TANC1: variants seen among roughly 807,000 people sequenced by gnomAD.
TANC1 encodes the protein tetratricopeptide repeat, ankyrin repeat and coiled-coil containing 1.
A neutral mutation model predicts 149.7 loss-of-function variants in TANC1; 77 were observed. The observed-to-expected ratio is 0.51, with a 90% CI of 0.43 to 0.62. TANC1 has a LOEUF of 0.62. TANC1 is among the 20% of genes least tolerant of loss of function. The pLI, the probability that TANC1 is intolerant of heterozygous loss-of-function variation, is 0.00. For missense variants in TANC1, 1,985 were observed against 2,321.8 expected (o/e 0.85, Z 2.98); for synonymous variants, 854 against 925.0 (o/e 0.92, Z 1.39).
Position 159,198,957 on chromosome 2 carries a change from C to T in TANC1, c.3166-18C>T, listed in dbSNP as rs367716682. On this transcript the variant is annotated intron_variant, in intron 18 of 26. Coordinates refer to ENST00000263635, the MANE Select transcript of TANC1 (RefSeq NM_033394.3). ...CTTGCTAAGAGAACTCATTAAATCA[C>T]CTTGCCACTTCTGACAGGTGGTCCA... The T allele has an allele frequency of 4.1e-5, 66 of 1,605,530 alleles. No homozygotes were observed. In the African/African-American group the frequency reaches 8.3e-4, roughly 20 times the overall value.
chr2:159,222,075 G>A (rs149877276), intron 22 of TANC1, among the ~76,000 whole-genome samples: 364 of 152,222 alleles, frequency 2.4e-3, no homozygotes, highest in African/African-American at 7.8e-3. Flanking sequence ...AGAGTTCAAT[G>A]GTATAAACTT....
At position 159,224,498 on chromosome 2, in the gene TANC1, C is replaced by T. The variant is rs868732665; in HGVS notation, c.3811+134C>T. The T allele has an allele frequency of 1.8e-4, 177 of 991,194 alleles. 1 individual carries two copies. In the South Asian group the frequency reaches 2.5e-3, roughly 14 times the overall value. The allele number at this position is 991,194 out of a possible 1,614,324, so 61.4% of individuals were successfully genotyped here. A position where few individuals can be genotyped will look rare whatever the true frequency, so the allele number is the denominator to read the frequency against. ...GATGTTTGCAGATCTCTGTCTCAGT[C>T]TCACTTAATCACCATTATACACAAT... On this transcript the variant is annotated intron_variant, in intron 23 of 26. Coordinates refer to ENST00000263635, the MANE Select transcript of TANC1 (RefSeq NM_033394.3).
intron 19 of TANC1, among the ~76,000 whole-genome samples, chr2:159,206,097 G>C (rs11693113): frequency 6.6e-6 from 1 of 152,166 alleles, no homozygotes; most frequent in African/African-American, 2.4e-5. Flanking sequence ...AACTATCCTC[G>C]GCAAAGCAAC....
chr2:159,222,815 A>G (rs1390952560), intron 22 of TANC1, among the ~76,000 whole-genome samples: 1 of 152,164 alleles, frequency 6.6e-6, no homozygotes, highest in African/African-American at 2.4e-5. Context: ...GAACTGCCCT[A>G]CTTTTTTTCC....
intron 1 of TANC1, among the ~76,000 whole-genome samples, chr2:158,974,827 G>A (rs1313750739): frequency 1.3e-5 from 2 of 151,984 alleles, no homozygotes; most frequent in African/African-American, 4.8e-5. Flanking sequence ...CAACCTCCTG[G>A]ACTCATGCAA....
chr2:159,003,878 C>T (rs1436465865), intron 2 of TANC1: 2 of 1,612,544 alleles, frequency 1.2e-6, no homozygotes, highest in African/African-American at 1.3e-5. Context: ...ACTTCAGGCT[C>T]AGGTCCAGAT....
chr2:159,108,600 A>T (rs1159894509), intron 4 of TANC1, among the ~76,000 whole-genome samples: 1 of 152,214 alleles, frequency 6.6e-6, no homozygotes, highest in Non-Finnish European at 1.5e-5. Flanking sequence ...TCTAGTGCTA[A>T]TGAGCACTAG....
At position 159,149,213 on chromosome 2, in the gene TANC1, C is replaced by G. The variant is rs761904866; in HGVS notation, c.436C>G (p.Leu146Val). ...ACTGTTGACAAGGCTGGGATTTTTA[C>G]TGGGAGAAGGGATCCCAAGTGCCAC... ...QELLTRLGFL[L>V]GEGIPSATHI... Residue 146 changes from leucine (L) to valine (V), a missense_variant, in exon 6 of 27, where the codon CTG becomes GTG. Transcript: ENST00000263635. 4 of 1,613,918 alleles carry G rather than the reference C, an allele frequency of 2.5e-6. No homozygotes were observed. Among genetic ancestry groups the G allele is most frequent in the South Asian group, 1.1e-5 (1 of 91,046 alleles).
At chr2:159,092,125 A>C (rs2045621405) in intron 3 of TANC1, among the ~76,000 whole-genome samples, 1 of 152,236 alleles carries the variant, frequency 6.6e-6, no homozygotes, top group Non-Finnish European at 1.5e-5. Context: ...CTGGATAAAC[A>C]GAACATCTTT....
chr2:159,181,593 G>A (rs952139604), intron 14 of TANC1, among the ~76,000 whole-genome samples: 3 of 152,148 alleles, frequency 2.0e-5, no homozygotes, highest in Non-Finnish European at 2.9e-5. Context: ...CACTGCGCCC[G>A]GCCCCCTCGT....
chr2:159,204,951 C>T (rs565041885), intron 19 of TANC1, among the ~76,000 whole-genome samples: 7 of 152,292 alleles, frequency 4.6e-5, no homozygotes, highest in South Asian at 4.1e-4. Flanking sequence ...GTGTGCTCAC[C>T]GTAGTTTACT....
At chr2:159,053,920 T>C (rs2041655407) in intron 2 of TANC1, among the ~76,000 whole-genome samples, 2 of 152,212 alleles carry the variant, frequency 1.3e-5, no homozygotes, top group African/African-American at 4.8e-5. Flanking sequence ...GACAGCACTG[T>C]AGTTTGAAAT....
rs543970322 is a variant in TANC1 at position 159,141,081 on chromosome 2, A to G, written c.364+4783A>G. The stretch of plus-strand genomic sequence containing the variant: ...CTTAGTTCAGGCTGCTATAACAAAA[A>G]TACCATAAACTGAGTGGTTGATAAA... On this transcript the variant is annotated intron_variant, in intron 5 of 26. Transcript: ENST00000263635. Among the ~76,000 whole-genome samples, 38 of 152,344 alleles carry G rather than the reference A, an allele frequency of 2.5e-4. 1 individual carries two copies. The South Asian group carries it at 6.2e-3, about 25-fold the overall frequency.
chr2:159,196,579 C>T (rs2057868430), intron 17 of TANC1, 29 bp from the exon 18 acceptor site: 1 of 1,575,070 alleles, frequency 6.3e-7, no homozygotes, highest in South Asian at 1.2e-5. Context: ...TAATGCTCAG[C>T]TGTAACCTTC....
chr2:158,998,719 G>A (rs1240808693), intron 1 of TANC1, among the ~76,000 whole-genome samples: 1 of 152,170 alleles, frequency 6.6e-6, no homozygotes, highest in Admixed American at 6.5e-5. Context: ...GCACAAGGGC[G>A]GCTTTAAGGA....
chr2:159,223,341 G>A (rs28535512), intron 22 of TANC1, among the ~76,000 whole-genome samples: 14 of 152,044 alleles, frequency 9.2e-5, no homozygotes, highest in African/African-American at 3.4e-4. Context: ...TGGGTATAAG[G>A]TGAACATCTT....
intron 2 of TANC1, among the ~76,000 whole-genome samples, chr2:159,059,592 C>T (rs1342124320): frequency 2.0e-5 from 3 of 152,040 alleles, no homozygotes; most frequent in Non-Finnish European, 4.4e-5. Flanking sequence ...TCTAGCCATC[C>T]CCCGCACCCT....
chr2:159,092,063 A>G (rs2045613051), intron 3 of TANC1, among the ~76,000 whole-genome samples: 1 of 152,192 alleles, frequency 6.6e-6, no homozygotes, highest in Admixed American at 6.5e-5. Context: ...AAGGTGCCCT[A>G]ACACATTTAA....
At chr2:159,215,708 G>A (rs2059299082) in intron 19 of TANC1, among the ~76,000 whole-genome samples, 2 of 152,202 alleles carry the variant, frequency 1.3e-5, no homozygotes, top group African/African-American at 2.4e-5. Flanking sequence ...ACCCTCTCCC[G>A]AGATGGCTGT....
Sources: gnomAD v4.1 joint callset for allele counts (sites outside exome capture counted in the v4.1 genomes callset) on GRCh38, gnomAD v4.1.1 for gene constraint, MANE v1.5 for transcripts, NCBI Gene and HGNC (gene_info 2026-07-23, HGNC 2026-07-21) for gene names.